The following ACAD11 variants were observed in gnomAD, a reference collection of about 807,000 sequenced individuals.
ACAD11 encodes the protein acyl-Coenzyme A dehydrogenase family, member 11.
ACAD11 carries 83 observed loss-of-function variants against 102.2 expected under a neutral mutation model. That is an observed-to-expected ratio of 0.81 (90% CI 0.68 to 0.97). ACAD11 has a LOEUF of 0.97. Ranked by LOEUF, ACAD11 falls within the 50% of genes least tolerant of loss-of-function variation. The pLI, the probability that ACAD11 is intolerant of heterozygous loss-of-function variation, is 0.00. For synonymous variants in ACAD11, 324 were observed against 319.8 expected (o/e 1.01, Z -0.14); for missense variants, 901 against 951.7 (o/e 0.95, Z 0.70).
Position 132,619,808 on chromosome 3 carries a change from A to G in ACAD11, c.1198-263T>C, listed in dbSNP as rs1391502007. Among the ~76,000 whole-genome samples, 3 of 152,246 alleles carry G rather than the reference A, an allele frequency of 2.0e-5. No individual in the cohort carries two copies. In the East Asian group the frequency reaches 5.8e-4, roughly 29 times the overall value. On this transcript the variant is annotated intron_variant, in intron 9 of 19. Transcript: ENST00000264990. ...TAGCAATATGACAAACTAGATAGTC[A>G]TAGAAACTGCTCAACTAAAAATGTT...
chr3:132,618,753 C>A lies in ACAD11; in HGVS notation c.1295G>T (p.Gly432Val). 6.3e-7 allele frequency: 1 copy of A among 1,595,664 alleles called. No homozygotes were observed. Among genetic ancestry groups the A allele is most frequent in the South Asian group, 1.1e-5 (1 of 87,890 alleles). Residue 432 changes from glycine to valine, a missense_variant, in exon 11 of 20, where the codon GGT becomes GTT. Gly to Val is a moderately radical substitution (Grantham distance 109). Coordinates refer to ENST00000264990, the MANE Select transcript of ACAD11 (RefSeq NM_032169.5). ...DKLKEMAKVE[G>V]LWNLFLPAVS... is the part of the protein sequence containing the mutation. ...AGCTGGCAAAAACAAGTTCCAGAGA[C>A]CCTCGACTTTGGCCATTTCCTGTCA...
chr3:132,604,152 T>G (rs577545331), intron 12 of ACAD11, among the ~76,000 whole-genome samples: 1 of 152,334 alleles, frequency 6.6e-6, no homozygotes, highest in African/African-American at 2.4e-5. Flanking sequence ...TTTTGCTGTC[T>G]GAGGTTTCAG....
intron 11 of ACAD11, among the ~76,000 whole-genome samples, chr3:132,613,872 T>G (rs1191927693): frequency 6.6e-6 from 1 of 151,888 alleles, no homozygotes; most frequent in Non-Finnish European, 1.5e-5. Flanking sequence ...GCTCTCCAGC[T>G]TGGGCGAGAC....
At chr3:132,653,630 A>C (rs936846342) in intron 1 of ACAD11, among the ~76,000 whole-genome samples, 1 of 148,644 alleles carries the variant, frequency 6.7e-6, no homozygotes, top group African/African-American at 2.4e-5. Flanking sequence ...TTCGTAGAAA[A>C]ACTCCTCAAG....
chr3:132,584,181 T>C (rs1007003021), intron 13 of ACAD11, among the ~76,000 whole-genome samples: 4 of 152,186 alleles, frequency 2.6e-5, no homozygotes, highest in African/African-American at 4.8e-5. Context: ...CCATTATTAT[T>C]GTGTGGGAGT....
chr3:132,590,019 T>C (rs1938009769), intron 13 of ACAD11, among the ~76,000 whole-genome samples: 1 of 152,214 alleles, frequency 6.6e-6, no homozygotes, highest in Admixed American at 6.5e-5. Context: ...CCATCCATGT[T>C]CCTGCAAAAG....
chr3:132,634,677 C>T (rs1220445032), intron 5 of ACAD11, among the ~76,000 whole-genome samples: 8 of 152,034 alleles, frequency 5.3e-5, no homozygotes, highest in Non-Finnish European at 1.0e-4. Flanking sequence ...TAATGATAGA[C>T]TGGATTAAGA....
At chr3:132,604,519 G>C (rs1433960997) in intron 12 of ACAD11, among the ~76,000 whole-genome samples, 1 of 152,100 alleles carries the variant, frequency 6.6e-6, no homozygotes, top group Non-Finnish European at 1.5e-5. Context: ...TTATGGACAA[G>C]CAAAATTTGG....
intron 13 of ACAD11, among the ~76,000 whole-genome samples, chr3:132,595,673 C>T (rs1192321124): frequency 2.0e-5 from 3 of 151,756 alleles, no homozygotes; most frequent in East Asian, 1.9e-4. Flanking sequence ...ACATACATAC[C>T]GCCAACAATC....
intron 11 of ACAD11, among the ~76,000 whole-genome samples, chr3:132,614,873 C>T (rs928316131): frequency 1.3e-5 from 2 of 152,058 alleles, no homozygotes; most frequent in Non-Finnish European, 2.9e-5. Flanking sequence ...GAAACTATCA[C>T]CAGAGTGAAC....
chr3:132,618,602 G>T (rs745774119), intron 11 of ACAD11, 32 bp downstream of exon 11: 15 of 1,507,740 alleles, frequency 9.9e-6, no homozygotes, highest in African/African-American at 1.4e-5. Flanking sequence ...CAAAATATTA[G>T]AAAAAATTAT....
intron 1 of ACAD11, chr3:132,650,117 T>A (rs973652271): frequency 3.3e-5 from 5 of 152,168 alleles, no homozygotes; most frequent in African/African-American, 1.2e-4. Context: ...ATCCTATGTA[T>A]TCAATAGGCC....
At chr3:132,582,592 G>A (rs1191529397) in intron 13 of ACAD11, among the ~76,000 whole-genome samples, 1 of 151,932 alleles carries the variant, frequency 6.6e-6, no homozygotes, top group Admixed American at 6.6e-5. Context: ...TCTAATCTGA[G>A]GGCTGTGGAG....
intron 7 of ACAD11, among the ~76,000 whole-genome samples, chr3:132,629,698 T>G (rs1939959667): frequency 6.6e-6 from 1 of 152,082 alleles, no homozygotes; most frequent in African/African-American, 2.4e-5. Flanking sequence ...GAAAATAAAT[T>G]ATCATAATTT....
rs1366182827 is a variant in ACAD11 at position 132,558,293 on chromosome 3, A to G, written c.*678T>C. On this transcript the variant is annotated 3_prime_UTR_variant, in exon 20 of 20. Transcript: ENST00000264990. ...GTTTTACAGATTTCAAGGTGCTTCT[A>G]CGTGGCTTCAGCAATTCTCACAACA... 1.3e-5 allele frequency: 2 copies of G among 152,168 alleles called. No homozygotes were observed. The highest frequency in any genetic ancestry group is 4.8e-5 in the African/African-American group (2 of 41,452). 9.4% of individuals were successfully genotyped at this position (152,168 alleles called of 1,614,324 possible). A position where few individuals can be genotyped will look rare whatever the true frequency, so the allele number is the denominator to read the frequency against.
intron 13 of ACAD11, among the ~76,000 whole-genome samples, chr3:132,588,601 T>C (rs1014824584): frequency 7.9e-5 from 12 of 152,104 alleles, no homozygotes; most frequent in Admixed American, 1.3e-4. Context: ...ACGTAAAATA[T>C]AGTTAAGATT....
At chr3:132,656,268 C>T (rs1037811632) in intron 1 of ACAD11, among the ~76,000 whole-genome samples, 2 of 152,076 alleles carry the variant, frequency 1.3e-5, no homozygotes, top group African/African-American at 4.8e-5. Context: ...TTTGCTATTA[C>T]AAACAGTACA....
intron 17 of ACAD11, among the ~76,000 whole-genome samples, chr3:132,562,976 GAT>G (rs1328487136): frequency 6.6e-6 from 1 of 152,134 alleles, no homozygotes; most frequent in Non-Finnish European, 1.5e-5. Context: ...TTAGATCTAT[GAT>G]CCATTTAGAG....
chr3:132,586,744 A>G (rs1027120847), intron 13 of ACAD11, among the ~76,000 whole-genome samples: 5 of 152,038 alleles, frequency 3.3e-5, no homozygotes, highest in African/African-American at 1.2e-4. Context: ...ATTTTCATAA[A>G]TACAAGTTAA....
Sources: gnomAD v4.1 joint callset for allele counts (sites outside exome capture counted in the v4.1 genomes callset) on GRCh38, gnomAD v4.1.1 for gene constraint, MANE v1.5 for transcripts, NCBI Gene and HGNC (gene_info 2026-07-23, HGNC 2026-07-21) for gene names.